The following CNTNAP2 variants were observed in gnomAD, a reference collection of about 807,000 sequenced individuals.
CNTNAP2 encodes the protein contactin associated protein 2.
CNTNAP2 carries 98 observed loss-of-function variants against 155.2 expected under a neutral mutation model. That is an observed-to-expected ratio of 0.63 (90% CI 0.54 to 0.75). The LOEUF (loss-of-function observed/expected upper bound fraction) is 0.75. Among genes scored for constraint, CNTNAP2 ranks in the 30% least tolerant of loss-of-function variants. CNTNAP2 has a pLI of 0.00. For missense variants in CNTNAP2, 1,727 were observed against 1,688.1 expected, an observed-to-expected ratio of 1.02 and a Z score of -0.40; for synonymous variants, 651 against 631.2, an observed-to-expected ratio of 1.03 and a Z score of -0.47.
At position 146,642,697 on chromosome 7, in the gene CNTNAP2, T is replaced by C. The variant is rs1214341740; in HGVS notation, c.98-131574T>C. Reference sequence around the variant, plus strand: ...CCAGTAATGGGATGGCTGGGTCAAATGGTATTTCTAGTTCTAGATCTCTGA... The same window carrying C: ...CCAGTAATGGGATGGCTGGGTCAAACGGTATTTCTAGTTCTAGATCTCTGA... On this transcript the variant is annotated intron_variant, in intron 1 of 23. Transcript: ENST00000361727. Among the ~76,000 whole-genome samples the C allele has an allele frequency of 2.6e-5, 4 of 152,102 alleles. No homozygotes were observed. In the South Asian group the frequency reaches 6.2e-4, roughly 24 times the overall value.
chr7:147,585,617 T>C (rs1306762088), intron 12 of CNTNAP2, among the ~76,000 whole-genome samples: 3 of 83,572 alleles, frequency 3.6e-5, no homozygotes, highest in Admixed American at 1.3e-4. Flanking sequence ...TAGGCAAAGG[T>C]AATTTTGAGG....
At chr7:147,347,359 A>G (rs1336360836) in intron 9 of CNTNAP2, among the ~76,000 whole-genome samples, 1 of 150,536 alleles carries the variant, frequency 6.6e-6, no homozygotes, top group African/African-American at 2.4e-5. Flanking sequence ...TTTGAATTCT[A>G]TATGATGCTG....
chr7:147,437,505 A>G (rs1797571156), intron 10 of CNTNAP2, among the ~76,000 whole-genome samples: 3 of 151,976 alleles, frequency 2.0e-5, no homozygotes. Flanking sequence ...CCAACATTTC[A>G]TAGTAGGTGT....
chr7:147,302,697 G>A (rs1324653781), intron 9 of CNTNAP2, among the ~76,000 whole-genome samples: 3 of 152,204 alleles, frequency 2.0e-5, no homozygotes, highest in Admixed American at 2.0e-4. Context: ...ATTATAGATT[G>A]ACCTTAGCCA....
intron 3 of CNTNAP2, among the ~76,000 whole-genome samples, chr7:146,916,714 TTTGGTTAATC>T (rs1796402168): frequency 6.6e-6 from 1 of 152,126 alleles, no homozygotes; most frequent in African/African-American, 2.4e-5. Context: ...CTCTTCTTTT[TTTGGTTAATC>T]TCACTAATAG....
At chr7:146,772,692 GAGGAA>G (rs1269940049) in intron 1 of CNTNAP2, among the ~76,000 whole-genome samples, 1 of 151,030 alleles carries the variant, frequency 6.6e-6, no homozygotes, top group Non-Finnish European at 1.5e-5. Flanking sequence ...AAAGAAAAAA[GAGGAA>G]AGGGGCCATG....
intron 13 of CNTNAP2, among the ~76,000 whole-genome samples, chr7:147,685,215 C>T (rs1796000475): frequency 6.6e-6 from 1 of 151,900 alleles, no homozygotes; most frequent in South Asian, 2.1e-4. Context: ...CCTGAACTTG[C>T]GTATAGAGAC....
At chr7:148,257,922 A>AACACAC (rs59515015) in intron 20 of CNTNAP2, among the ~76,000 whole-genome samples, 4 of 138,642 alleles carry the variant, frequency 2.9e-5, no homozygotes, top group African/African-American at 8.3e-5. Context: ...CCACACCTTA[A>AACACAC]ACACACACAC....
At chr7:147,914,739 T>C (rs1220948308) in intron 14 of CNTNAP2, among the ~76,000 whole-genome samples, 2 of 151,928 alleles carry the variant, frequency 1.3e-5, no homozygotes, top group Non-Finnish European at 2.9e-5. Context: ...TTTGTAGAGA[T>C]GGGGGTCTTG....
chr7:147,736,828 T>A (rs1375246261), intron 13 of CNTNAP2, among the ~76,000 whole-genome samples: 1 of 152,250 alleles, frequency 6.6e-6, no homozygotes, highest in Non-Finnish European at 1.5e-5. Context: ...TACTGAAGCT[T>A]GTGCATTCGT....
intron 1 of CNTNAP2, among the ~76,000 whole-genome samples, chr7:146,547,519 C>T (rs928815552): frequency 1.3e-5 from 2 of 151,890 alleles, no homozygotes; most frequent in African/African-American, 4.8e-5. Flanking sequence ...TCCTGGAAAC[C>T]ACCATTATGG....
intron 20 of CNTNAP2, among the ~76,000 whole-genome samples, chr7:148,252,383 C>T (rs1486292876): frequency 6.6e-6 from 1 of 152,132 alleles, no homozygotes; most frequent in East Asian, 1.9e-4. Flanking sequence ...CAATTTTCAC[C>T]AACCTTTCCT....
intron 1 of CNTNAP2, among the ~76,000 whole-genome samples, chr7:146,720,902 C>CTATA: frequency 7.0e-6 from 1 of 141,988 alleles, no homozygotes; most frequent in African/African-American, 2.6e-5. Flanking sequence ...TATATATATT[C>CTATA]TATATATATA....
chr7:147,376,088 C>G (rs1796428662), intron 9 of CNTNAP2, among the ~76,000 whole-genome samples: 1 of 152,024 alleles, frequency 6.6e-6, no homozygotes, highest in Non-Finnish European at 1.5e-5. Flanking sequence ...AGGAACTTTA[C>G]TCTTTTATTA....
At chr7:147,709,049 G>A (rs527244618) in intron 13 of CNTNAP2, among the ~76,000 whole-genome samples, 1 of 152,048 alleles carries the variant, frequency 6.6e-6, no homozygotes, top group Non-Finnish European at 1.5e-5. Flanking sequence ...TTCAAAAAAC[G>A]ACCCACCGCA....
At chr7:147,284,205 A>T (rs1016753309) in intron 8 of CNTNAP2, among the ~76,000 whole-genome samples, 1 of 151,614 alleles carries the variant, frequency 6.6e-6, no homozygotes, top group East Asian at 1.9e-4. Context: ...TGGTCTTTCT[A>T]TTCCTCTCTA....
chr7:148,040,838 C>A (rs1360500999), intron 15 of CNTNAP2, among the ~76,000 whole-genome samples: 2 of 127,140 alleles, frequency 1.6e-5, no homozygotes, highest in African/African-American at 5.6e-5. Context: ...GGAAAGAGAG[C>A]AAATTTTTTT....
intron 19 of CNTNAP2, among the ~76,000 whole-genome samples, chr7:148,220,858 T>C (rs892545027): frequency 6.6e-6 from 1 of 152,134 alleles, no homozygotes; most frequent in Non-Finnish European, 1.5e-5. Context: ...AATAGGTTTT[T>C]TTGACCCACT....
At chr7:146,744,227 C>CAAAAAAA (rs60606492) in intron 1 of CNTNAP2, among the ~76,000 whole-genome samples, 40 of 48,148 alleles carry the variant, frequency 8.3e-4, no homozygotes, top group Non-Finnish European at 1.2e-3. Context: ...CACTCTGTCT[C>CAAAAAAA]AAAAAAAAAA....
Sources: allele counts gnomAD v4.1 joint callset (sites outside exome capture counted in the v4.1 genomes callset), GRCh38; gene constraint gnomAD v4.1.1; transcripts MANE v1.5; gene names NCBI Gene and HGNC (gene_info 2026-07-23, HGNC 2026-07-21).